Variants in RYR2 observed in about 807,000 individuals in gnomAD.
RYR2 encodes the protein ryanodine receptor 2, also known as cardiac muscle ryanodine receptor-calcium release channel.
Under a neutral mutation model 601.1 loss-of-function variants are expected in RYR2, and 227 were observed. That is an observed-to-expected ratio of 0.38 (90% confidence interval 0.34 to 0.42). RYR2 has a LOEUF of 0.42. RYR2 is among the 10% of genes least tolerant of loss of function. RYR2 has a pLI of 1.00. For missense variants in RYR2, 4,646 were observed against 6,156.5 expected (o/e 0.75, Z 8.21); for synonymous variants, 2,223 against 2,175.1 (o/e 1.02, Z -0.61).
chr1:237,566,865 G>C, intron 28 of RYR2, 90 bp downstream of exon 28: 1 of 1,325,338 alleles, frequency 7.5e-7, no homozygotes, highest in East Asian at 2.3e-5. Flanking sequence ...CAGTACCAGT[G>C]TTTCCCACAG....
At chr1:237,166,596 A>C (rs767333656) in intron 1 of RYR2, among the ~76,000 whole-genome samples, 23 of 152,208 alleles carry the variant, frequency 1.5e-4, no homozygotes, top group Non-Finnish European at 4.4e-5. Flanking sequence ...AGCAGGCAAA[A>C]TCTAGCATGT....
chr1:237,685,624 C>T (rs1686316928), intron 62 of RYR2, among the ~76,000 whole-genome samples: 1 of 152,140 alleles, frequency 6.6e-6, no homozygotes, highest in Non-Finnish European at 1.5e-5. Flanking sequence ...AAAGTATGTA[C>T]AATTCTAAAC....
chr1:237,141,804 T>A (rs144032516), intron 1 of RYR2, among the ~76,000 whole-genome samples: 48 of 152,304 alleles, frequency 3.2e-4, no homozygotes, highest in African/African-American at 1.1e-3. Context: ...CTCCAGGATG[T>A]TTGGGTTCTC....
At chr1:237,803,545 C>A (rs536338313) in intron 98 of RYR2, among the ~76,000 whole-genome samples, 1 of 152,266 alleles carries the variant, frequency 6.6e-6, no homozygotes, top group Non-Finnish European at 1.5e-5. Flanking sequence ...CGTGAACCGA[C>A]CGCCTTGGCC....
chr1:237,445,791 T>C (rs980325414), intron 14 of RYR2, among the ~76,000 whole-genome samples: 1 of 152,090 alleles, frequency 6.6e-6, no homozygotes, highest in Non-Finnish European at 1.5e-5. Flanking sequence ...CTTTTCCTTG[T>C]ACTGAACCTA....
At chr1:237,044,238 G>A (rs1451048156) in intron 1 of RYR2, among the ~76,000 whole-genome samples, 1 of 151,784 alleles carries the variant, frequency 6.6e-6, no homozygotes, top group Non-Finnish European at 1.5e-5. Context: ...CAAAACTAAG[G>A]ACTATTTTAT....
At chr1:237,045,950 G>A (rs1660550339) in intron 1 of RYR2, among the ~76,000 whole-genome samples, 1 of 134,606 alleles carries the variant, frequency 7.4e-6, no homozygotes, top group Non-Finnish European at 1.5e-5. Context: ...CCCTTGTGGT[G>A]TACTGTGTCA....
chr1:237,633,844 A>G lies in RYR2; in HGVS notation c.6688+134A>G, dbSNP rs1680591377. ...ACAAAAGAAGACAGATAGTTGGCCA[A>G]TAGGTATATGAAAAAATACTCGACA... On this transcript the variant is annotated intron_variant, in intron 43 of 104. Coordinates refer to ENST00000366574, the MANE Select transcript of RYR2 (RefSeq NM_001035.3). 6.9e-6 allele frequency: 6 copies of G among 875,116 alleles called. No homozygotes were observed. In the East Asian group the frequency reaches 1.6e-4, roughly 24 times the overall value. The allele number at this position is 875,116 out of a possible 1,614,324, so 54.2% of individuals were successfully genotyped here.
chr1:237,740,039 G>A (rs1397585236), intron 79 of RYR2, among the ~76,000 whole-genome samples: 4 of 152,086 alleles, frequency 2.6e-5, no homozygotes, highest in Non-Finnish European at 5.9e-5. Context: ...GCAAAAGAAG[G>A]ACTCTTCCTT....
At chr1:237,276,070 A>G (rs1690254473) in intron 2 of RYR2, among the ~76,000 whole-genome samples, 1 of 152,186 alleles carries the variant, frequency 6.6e-6, no homozygotes, top group African/African-American at 2.4e-5. Flanking sequence ...TCAGAATAAA[A>G]TCTATAGCAT....
intron 1 of RYR2, among the ~76,000 whole-genome samples, chr1:237,244,630 A>G (rs1423757047): frequency 1.3e-5 from 2 of 152,122 alleles, no homozygotes; most frequent in African/African-American, 4.8e-5. Flanking sequence ...CAGCTCATCC[A>G]TCCCAGCCGG....
chr1:237,412,349 A>C (rs144417172), intron 10 of RYR2, among the ~76,000 whole-genome samples: 50 of 152,286 alleles, frequency 3.3e-4, no homozygotes, highest in African/African-American at 1.1e-3. Flanking sequence ...TGAGTTCCTA[A>C]ATGAAATGTA....
chr1:237,513,829 TA>T (rs1233484711), intron 24 of RYR2, among the ~76,000 whole-genome samples: 2 of 152,208 alleles, frequency 1.3e-5, no homozygotes, highest in Non-Finnish European at 2.9e-5. Flanking sequence ...TGAAAACACC[TA>T]AAGACCCATT....
chr1:237,089,303 TTTAA>T (rs1397297015), intron 1 of RYR2, among the ~76,000 whole-genome samples: 1 of 152,262 alleles, frequency 6.6e-6, no homozygotes, highest in African/African-American at 2.4e-5. Flanking sequence ...TTCCCATTCC[TTTAA>T]TTGTTAGATT....
At chr1:237,044,441 G>A (rs990924071) in intron 1 of RYR2, among the ~76,000 whole-genome samples, 1 of 152,146 alleles carries the variant, frequency 6.6e-6, no homozygotes, top group South Asian at 2.1e-4. Flanking sequence ...CGTGCTGGCT[G>A]ATGAGGTTCT....
intron 24 of RYR2, among the ~76,000 whole-genome samples, chr1:237,512,655 T>C (rs1666026176): frequency 6.6e-6 from 1 of 152,204 alleles, no homozygotes; most frequent in African/African-American, 2.4e-5. Context: ...AGTAGATGGC[T>C]TGAGCCCAGG....
intron 16 of RYR2, among the ~76,000 whole-genome samples, chr1:237,457,315 G>A (rs1371912084): frequency 6.6e-6 from 1 of 152,112 alleles, no homozygotes; most frequent in African/African-American, 2.4e-5. Flanking sequence ...CATTGATTAA[G>A]CGACAGTTGC....
At chr1:237,362,356 C>T (rs1230611530) in intron 4 of RYR2, among the ~76,000 whole-genome samples, 11 of 152,150 alleles carry the variant, frequency 7.2e-5, no homozygotes, top group Admixed American at 7.2e-4. Flanking sequence ...GTCTATTGAA[C>T]TTCTCATTAG....
chr1:237,565,100 CTTT>C (rs747266167), intron 27 of RYR2, among the ~76,000 whole-genome samples: 1 of 137,328 alleles, frequency 7.3e-6, no homozygotes, highest in Admixed American at 7.1e-5. Context: ...CTTCTCTTTT[CTTT>C]TCTTTCTTTC....
Sources: allele counts gnomAD v4.1 joint callset (sites outside exome capture counted in the v4.1 genomes callset), GRCh38; gene constraint gnomAD v4.1.1; transcripts MANE v1.5; gene names NCBI Gene and HGNC (gene_info 2026-07-23, HGNC 2026-07-21).